Variants in PRR16 observed in about 807,000 individuals in gnomAD.
PRR16 encodes protein Largen.
A neutral mutation model predicts 18.2 loss-of-function variants in PRR16; 6 were observed. The ratio of observed to expected loss-of-function variants is 0.33; its 90% CI spans 0.18 to 0.65. The LOEUF (loss-of-function observed/expected upper bound fraction) is 0.65. Among genes scored for constraint, PRR16 ranks in the 30% least tolerant of loss-of-function variants. The pLI is 0.74. For missense variants in PRR16, 412 were observed against 376.6 expected (o/e 1.09, Z -0.78); for synonymous variants, 151 against 147.8 (o/e 1.02, Z -0.16).
chr5:120,466,492 T>C (rs938299621), intron 1 of PRR16, among the ~76,000 whole-genome samples: 4 of 152,218 alleles, frequency 2.6e-5, no homozygotes, highest in Admixed American at 2.6e-4. Flanking sequence ...TTAATGTCAG[T>C]CCACTCACTT....
At chr5:120,623,460 G>A (rs1004367281) in intron 1 of PRR16, among the ~76,000 whole-genome samples, 1 of 152,040 alleles carries the variant, frequency 6.6e-6, no homozygotes, top group Non-Finnish European at 1.5e-5. Flanking sequence ...ACCCAGCTTC[G>A]CTACTTACTA....
the PRR16 span, among the ~76,000 whole-genome samples, chr5:120,775,794 C>CT: frequency 1.5e-3 from 184 of 122,544 alleles, 1 homozygote; most frequent in African/African-American, 5.2e-3. Flanking sequence ...CTACGCCTGG[C>CT]TATTTTTTTT....
chr5:120,710,654 G>T, the PRR16 span: 1 of 151,944 alleles, frequency 6.6e-6, no homozygotes, highest in Non-Finnish European at 1.5e-5. Context: ...AAGATTAGTC[G>T]CTCAAAAAGA....
At chr5:120,655,525 T>A (rs559375551) in intron 1 of PRR16, among the ~76,000 whole-genome samples, 157 of 151,866 alleles carry the variant, frequency 1.0e-3, no homozygotes, top group African/African-American at 3.5e-3. Flanking sequence ...GTGTTAGAAG[T>A]AGTAGTTTGA....
downstream of PRR16, among the ~76,000 whole-genome samples, chr5:120,688,656 T>C (rs556529277): frequency 3.3e-5 from 5 of 152,274 alleles, no homozygotes; most frequent in South Asian, 1.0e-3. Flanking sequence ...ACATGCAGTT[T>C]TCTTTCTTCA....
the PRR16 span, among the ~76,000 whole-genome samples, chr5:120,756,577 G>C: frequency 6.6e-6 from 1 of 151,720 alleles, no homozygotes; most frequent in Non-Finnish European, 1.5e-5. Flanking sequence ...CATGTTTATT[G>C]GTTGCCTGTA....
chr5:120,518,862 A>T (rs1580676947), intron 1 of PRR16, among the ~76,000 whole-genome samples: 1 of 152,120 alleles, frequency 6.6e-6, no homozygotes, highest in Non-Finnish European at 1.5e-5. Flanking sequence ...TCATGGCTGG[A>T]ACTAGAGGAG....
chr5:120,757,811 A>C, the PRR16 span, among the ~76,000 whole-genome samples: 2 of 150,750 alleles, frequency 1.3e-5, no homozygotes, highest in South Asian at 4.2e-4. Context: ...GTAGTGACTG[A>C]TATACTCAAA....
chr5:120,654,165 C>CT (rs367607912), intron 1 of PRR16, among the ~76,000 whole-genome samples: 16 of 151,960 alleles, frequency 1.1e-4, no homozygotes, highest in African/African-American at 3.9e-4. Context: ...CCCCTTCTCC[C>CT]TTTTTTGCTG....
chr5:120,500,392 A>G (rs946836504), intron 1 of PRR16, among the ~76,000 whole-genome samples: 1 of 152,130 alleles, frequency 6.6e-6, no homozygotes, highest in Non-Finnish European at 1.5e-5. Flanking sequence ...GTCTTATCTT[A>G]GTGTGATATA....
chr5:120,625,624 C>T (rs949086549), intron 1 of PRR16, among the ~76,000 whole-genome samples: 3 of 152,110 alleles, frequency 2.0e-5, no homozygotes, highest in South Asian at 4.1e-4. Flanking sequence ...AGGTAAAAGC[C>T]ACTGTGTGTG....
At chr5:120,512,106 C>T (rs1172466677) in intron 1 of PRR16, among the ~76,000 whole-genome samples, 4 of 83,634 alleles carry the variant, frequency 4.8e-5, no homozygotes, top group African/African-American at 2.2e-4. Flanking sequence ...CCTACCACAG[C>T]GCTGCTGAAT....
At chr5:120,532,938 G>A (rs1041025230) in intron 1 of PRR16, among the ~76,000 whole-genome samples, 8 of 152,140 alleles carry the variant, frequency 5.3e-5, no homozygotes, top group Non-Finnish European at 7.4e-5. Context: ...GGGTAATGTC[G>A]CTTTACCTTT....
intron 1 of PRR16, among the ~76,000 whole-genome samples, chr5:120,476,338 T>C (rs1474239239): frequency 6.6e-6 from 1 of 152,196 alleles, no homozygotes; most frequent in Admixed American, 6.5e-5. Flanking sequence ...GCAATCTTGA[T>C]ATTATCACAA....
At chr5:120,616,349 A>G (rs1045518940) in intron 1 of PRR16, among the ~76,000 whole-genome samples, 7 of 152,322 alleles carry the variant, frequency 4.6e-5, no homozygotes, top group Non-Finnish European at 7.3e-5. Flanking sequence ...GCAGCCTCAC[A>G]GGCCAAGCTC....
rs544331046 is a variant in PRR16, at chr5:120,609,480, A to C, written c.160-76474A>C. 2.0e-3 allele frequency among the ~76,000 whole-genome samples: 310 copies of C among 152,298 alleles called. 1 individual carries two copies. Among genetic ancestry groups the C allele is most frequent in the Middle Eastern group, 3.4e-3 (1 of 294 alleles). On this transcript the variant is annotated intron_variant, in intron 1 of 1. Coordinates refer to ENST00000407149, the MANE Select transcript of PRR16 (RefSeq NM_001300783.2). The stretch of plus-strand genomic sequence containing the variant: ...TAGCTTTTCTTTTCAAATTGTTTTG[A>C]GATCATTGCCAAATTATTATAGAAA...
rs187247737 is a variant in PRR16 at position 120,678,976 on chromosome 5, A to G, written c.160-6978A>G. On this transcript the variant is annotated intron_variant, in intron 1 of 1. Transcript: ENST00000407149. ...CTGCTTTTCTGTTTTGAAATTAGATATATTTATCCATATGTGAAAATATTG... is the reference window on the plus strand; with the variant it reads ...CTGCTTTTCTGTTTTGAAATTAGATGTATTTATCCATATGTGAAAATATTG... Among the ~76,000 whole-genome samples the G allele has an allele frequency of 5.9e-5, 9 of 152,286 alleles. No homozygotes were observed. The East Asian group carries it at 7.7e-4, about 13-fold the overall frequency.
chr5:120,540,760 C>G (rs1751888010), intron 1 of PRR16, among the ~76,000 whole-genome samples: 1 of 152,106 alleles, frequency 6.6e-6, no homozygotes, highest in Admixed American at 6.5e-5. Context: ...AAAATTGCAA[C>G]CTCAGGAATA....
intron 1 of PRR16, among the ~76,000 whole-genome samples, chr5:120,472,406 C>G (rs1282203437): frequency 1.3e-5 from 2 of 152,092 alleles, no homozygotes; most frequent in Non-Finnish European, 2.9e-5. Context: ...CAATTGCCTT[C>G]TAGCATCAGT....
Sources: allele counts gnomAD v4.1 joint callset (sites outside exome capture counted in the v4.1 genomes callset), GRCh38; gene constraint gnomAD v4.1.1; transcripts MANE v1.5; gene names NCBI Gene and HGNC (gene_info 2026-07-23, HGNC 2026-07-21).